The following SEMA4A variants were observed in gnomAD, a reference collection of about 807,000 sequenced individuals.
SEMA4A encodes semaphorin 4A.
A neutral mutation model predicts 72.5 loss-of-function variants in SEMA4A; 52 were observed. That is an observed-to-expected ratio of 0.72 (90% CI 0.57 to 0.90). The LOEUF (loss-of-function observed/expected upper bound fraction) is 0.90, where lower values mean the gene tolerates loss of function less well. Among genes scored for constraint, SEMA4A ranks in the 40% least tolerant of loss-of-function variants. SEMA4A has a pLI of 0.00. For missense variants in SEMA4A, 926 were observed against 959.7 expected (o/e 0.96, Z 0.46); for synonymous variants, 369 against 393.1 (o/e 0.94, Z 0.73).
chr1:156,170,615 G>A (rs149009957), intron 10 of SEMA4A, among the ~76,000 whole-genome samples: 3,209 of 151,702 alleles, frequency 0.021, 115 homozygotes, highest in African/African-American at 0.074. Flanking sequence ...TTAGCCAGGC[G>A]TGGTGGCGGG....
intron 9 of SEMA4A, 132 bp from the exon 10 acceptor site, chr1:156,162,812 G>A: frequency 1.9e-6 from 2 of 1,075,920 alleles, no homozygotes; most frequent in Non-Finnish European, 2.8e-6. Flanking sequence ...TGAGGGGAAG[G>A]AGTGGTAGCT....
upstream of SEMA4A, among the ~76,000 whole-genome samples, chr1:156,152,600 T>C (rs1355580703): frequency 2.0e-5 from 3 of 152,086 alleles, no homozygotes; most frequent in Non-Finnish European, 2.9e-5. Context: ...CAGAAACGAT[T>C]GTCAGGCAGG....
chr1:156,177,002 T>C lies in SEMA4A; in HGVS notation c.*5T>C. 1 of 1,605,868 alleles carries C rather than the reference T, an allele frequency of 6.2e-7. No individual in the cohort carries two copies. Among genetic ancestry groups the C allele is most frequent in the Non-Finnish European group, 8.5e-7 (1 of 1,179,514 alleles). On this transcript the variant is annotated 3_prime_UTR_variant, in exon 15 of 15. Coordinates refer to ENST00000368285, the MANE Select transcript of SEMA4A (RefSeq NM_022367.4). ...CTAGGCACTGAGGTAGCTTAAACTC[T>C]AGGCACAGGCCGGGGCTGCGGTGCA...
At chr1:156,161,311 C>CGA in intron 8 of SEMA4A, 35 bp from the exon 9 acceptor site, 4 of 683,486 alleles carry the variant, frequency 5.9e-6, no homozygotes, top group Non-Finnish European at 6.1e-6. Context: ...GGTCGGGGCG[C>CGA]CCGGGGCGCC....
At chr1:156,173,856 TC>T (rs1413651650) in intron 11 of SEMA4A, among the ~76,000 whole-genome samples, 1 of 152,074 alleles carries the variant, frequency 6.6e-6, no homozygotes, top group Non-Finnish European at 1.5e-5. Flanking sequence ...ACGCCTGTAA[TC>T]CCAGCACTTT....
At chr1:156,168,480 T>A (rs1654394757) in intron 10 of SEMA4A, among the ~76,000 whole-genome samples, 1 of 152,136 alleles carries the variant, frequency 6.6e-6, no homozygotes, top group African/African-American at 2.4e-5. Context: ...CGTCTCGGCC[T>A]CCCAAAGTGC....
chr1:156,160,360 C>T, intron 6 of SEMA4A, 83 bp from the exon 7 acceptor site: 1 of 1,087,790 alleles, frequency 9.2e-7, no homozygotes, highest in South Asian at 1.2e-5. Flanking sequence ...ATATGGATGC[C>T]AGCCCCAGTC....
rs568949451 is a variant in SEMA4A at position 156,161,036 on chromosome 1, G to A, written c.810+7G>A. On this transcript the variant is annotated splice_region_variant and intron_variant, in intron 8 of 14. Coordinates refer to ENST00000368285, the MANE Select transcript of SEMA4A (RefSeq NM_022367.4). ...GGTGGCTAGAGTCTGCAAGGTCCGC[G>A]GCCTGGGCGGGGGGCGGGGCTAACT... The A allele has an allele frequency of 2.6e-6, 4 of 1,534,232 alleles. No individual in the cohort carries two copies. Among genetic ancestry groups the A allele is most frequent in the Non-Finnish European group, 3.6e-6 (4 of 1,115,304 alleles).
At chr1:156,159,791 G>A (rs563903438) in intron 6 of SEMA4A, among the ~76,000 whole-genome samples, 2 of 151,734 alleles carry the variant, frequency 1.3e-5, no homozygotes, top group East Asian at 1.9e-4. Context: ...AAAATTAGCC[G>A]GACAAGCGCC....
chr1:156,151,075 C>T (rs746618184), upstream of SEMA4A, among the ~76,000 whole-genome samples: 2 of 152,190 alleles, frequency 1.3e-5, no homozygotes, highest in Non-Finnish European at 2.9e-5. Flanking sequence ...CTCATTTGTA[C>T]GGTTGTCAGG....
chr1:156,158,180 C>T, intron 4 of SEMA4A, 48 bp downstream of exon 4: 2 of 1,592,442 alleles, frequency 1.3e-6, no homozygotes, highest in Non-Finnish European at 1.7e-6. Flanking sequence ...AGAGCTCTGG[C>T]ATCCCTAGAC....
chr1:156,171,038 C>A (rs1479935744), intron 10 of SEMA4A, among the ~76,000 whole-genome samples: 4 of 152,124 alleles, frequency 2.6e-5, no homozygotes, highest in African/African-American at 9.7e-5. Context: ...TATAGTAAGA[C>A]CCTGTCTCTA....
chr1:156,160,502 C>T lies in SEMA4A; in HGVS notation c.628C>T (p.Arg210Cys). 3.7e-6 allele frequency: 6 copies of T among 1,614,086 alleles called. No individual in the cohort carries two copies. Among genetic ancestry groups the T allele is most frequent in the Non-Finnish European group, 5.1e-6 (6 of 1,179,982 alleles). ...NFLGSEPILM[R>C]TLGSQPVLKT... The stretch of plus-strand genomic sequence containing the variant: ...CCTGGGCAGTGAGCCCATCCTGATG[C>T]GCACACTGGGATCCCAGCCTGTCCT... The change falls in exon 7 of 15, where the codon CGC (arginine) becomes TGC (cysteine). Residue 210 changes from arginine (R) to cysteine (C), a missense_variant. Physicochemically the swap from Arg to Cys is radical, Grantham distance 180. Coordinates refer to ENST00000368285, the MANE Select transcript of SEMA4A (RefSeq NM_022367.4).
intron 7 of SEMA4A, 66 bp from the exon 8 acceptor site, chr1:156,160,839 T>C: frequency 6.2e-7 from 1 of 1,610,222 alleles, no homozygotes; most frequent in South Asian, 1.1e-5. Context: ...ACCAACGGTT[T>C]TCACTCAGGC....
intron 10 of SEMA4A, among the ~76,000 whole-genome samples, chr1:156,167,413 C>T (rs1303665101): frequency 1.4e-5 from 2 of 148,100 alleles, no homozygotes. Context: ...TCACTTGAGC[C>T]CGGGAGGTCG....
At chr1:156,170,983 T>C (rs1343016889) in intron 10 of SEMA4A, among the ~76,000 whole-genome samples, 1 of 152,012 alleles carries the variant, frequency 6.6e-6, no homozygotes, top group African/African-American at 2.4e-5. Context: ...GAGGCCAAGG[T>C]AAGAGGTTCA....
At chr1:156,172,204 GC>G (rs1398575663) in intron 10 of SEMA4A, among the ~76,000 whole-genome samples, 2 of 152,006 alleles carry the variant, frequency 1.3e-5, no homozygotes, top group East Asian at 3.9e-4. Context: ...TGCAACCTCT[GC>G]CTTCTGGGTT....
chr1:156,156,607 G>A (rs750110540), intron 3 of SEMA4A, 33 bp downstream of exon 3: 1 of 1,611,976 alleles, frequency 6.2e-7, no homozygotes, highest in South Asian at 1.1e-5. Context: ...GTGTGGGCTG[G>A]GAGTGAAGAG....
intron 10 of SEMA4A, among the ~76,000 whole-genome samples, chr1:156,165,594 G>A (rs1341816157): frequency 6.6e-6 from 1 of 152,092 alleles, no homozygotes; most frequent in Non-Finnish European, 1.5e-5. Context: ...CTGTTGAGAA[G>A]CCCAAAGTTA....
Sources: gnomAD v4.1 joint callset for allele counts (sites outside exome capture counted in the v4.1 genomes callset) on GRCh38, gnomAD v4.1.1 for gene constraint, MANE v1.5 for transcripts, NCBI Gene and HGNC (gene_info 2026-07-23, HGNC 2026-07-21) for gene names.